CADM2: variants seen among roughly 807,000 people sequenced by gnomAD.
CADM2 encodes the protein immunoglobulin superfamily member 4D.
A neutral mutation model predicts 49.8 loss-of-function variants in CADM2; 12 were observed. The observed-to-expected ratio is 0.24, with a 90% confidence interval of 0.15 to 0.39. CADM2 has a LOEUF of 0.39. Ranked by LOEUF, CADM2 falls within the 10% of genes least tolerant of loss-of-function variation. The probability of loss-of-function intolerance (pLI) is 1.00; values close to 1 mark genes in which losing one functional copy is unlikely to be tolerated. For synonymous variants in CADM2, 214 were observed against 175.4 expected (o/e 1.22, Z -1.74); for missense variants, 378 against 492.3 (o/e 0.77, Z 2.20).
At chr3:85,410,492 G>A (rs2035605422) in intron 1 of CADM2, among the ~76,000 whole-genome samples, 1 of 152,020 alleles carries the variant, frequency 6.6e-6, no homozygotes, top group Admixed American at 6.6e-5. Flanking sequence ...AATTTGTATA[G>A]GCACTAAGAT....
intron 1 of CADM2, among the ~76,000 whole-genome samples, chr3:85,071,725 A>C: frequency 6.6e-6 from 1 of 152,116 alleles, no homozygotes; most frequent in East Asian, 1.9e-4. Flanking sequence ...TTGTAAAGGT[A>C]AATAAGAACT....
chr3:85,365,481 T>C, intron 1 of CADM2, among the ~76,000 whole-genome samples: 1 of 152,140 alleles, frequency 6.6e-6, no homozygotes, highest in East Asian at 1.9e-4. Context: ...TTTATTTCTG[T>C]TAGTAATAGC....
intron 1 of CADM2, among the ~76,000 whole-genome samples, chr3:85,494,229 T>C (rs149949356): frequency 6.6e-6 from 1 of 152,164 alleles, no homozygotes; most frequent in African/African-American, 2.4e-5. Flanking sequence ...AAAATTTAAC[T>C]TCTAGTTTCC....
At chr3:85,795,471 T>G (rs1200253455) in intron 2 of CADM2, among the ~76,000 whole-genome samples, 3 of 152,136 alleles carry the variant, frequency 2.0e-5, no homozygotes, top group Admixed American at 6.5e-5. Flanking sequence ...CTGCAGGGAT[T>G]TTAGGCTGCG....
chr3:85,772,919 CT>C (rs200003655), intron 2 of CADM2, among the ~76,000 whole-genome samples: 3 of 125,838 alleles, frequency 2.4e-5, no homozygotes, highest in South Asian at 2.5e-4. Flanking sequence ...CATTTTCATT[CT>C]TTTTTTTGAT....
chr3:85,305,849 C>CATAA (rs2044199688), intron 1 of CADM2, among the ~76,000 whole-genome samples: 2 of 151,558 alleles, frequency 1.3e-5, no homozygotes, highest in Non-Finnish European at 3.0e-5. Flanking sequence ...AGATCTAAAA[C>CATAA]ACATAAATAC....
At chr3:85,363,980 T>A (rs1253777191) in intron 1 of CADM2, among the ~76,000 whole-genome samples, 1 of 152,226 alleles carries the variant, frequency 6.6e-6, no homozygotes, top group Non-Finnish European at 1.5e-5. Flanking sequence ...TCTCTGGTTG[T>A]GTTCATTCTG....
intron 1 of CADM2, among the ~76,000 whole-genome samples, chr3:85,106,573 A>G (rs1575878541): frequency 6.6e-6 from 1 of 152,188 alleles, no homozygotes; most frequent in East Asian, 1.9e-4. Context: ...GGGAAAATAA[A>G]GATTAATAAG....
intron 7 of CADM2, among the ~76,000 whole-genome samples, chr3:85,952,265 T>A (rs187367981): frequency 3.5e-4 from 53 of 151,044 alleles, no homozygotes; most frequent in African/African-American, 1.3e-3. Context: ...CTTGCTCCAA[T>A]GACACTATTC....
At chr3:85,391,900 C>T (rs1481706759) in intron 1 of CADM2, among the ~76,000 whole-genome samples, 2 of 151,948 alleles carry the variant, frequency 1.3e-5, no homozygotes, top group Non-Finnish European at 2.9e-5. Flanking sequence ...TAGAATTCTA[C>T]AATGTTCAAA....
chr3:85,788,777 AT>A (rs1207441198), intron 2 of CADM2, among the ~76,000 whole-genome samples: 11 of 151,946 alleles, frequency 7.2e-5, no homozygotes, highest in Admixed American at 4.6e-4. Flanking sequence ...TCTTTATCGT[AT>A]TTGGCTAGTC....
chr3:85,558,928 TCAAA>T (rs2062024146), intron 1 of CADM2, among the ~76,000 whole-genome samples: 2 of 152,060 alleles, frequency 1.3e-5, no homozygotes, highest in African/African-American at 4.8e-5. Context: ...CGGATTTTCT[TCAAA>T]CAGACAGCAA....
intron 1 of CADM2, among the ~76,000 whole-genome samples, chr3:85,096,151 G>T (rs1575852848): frequency 6.6e-6 from 1 of 152,010 alleles, no homozygotes; most frequent in East Asian, 1.9e-4. Flanking sequence ...ATAAGTATTT[G>T]ATTTATAAGT....
chr3:85,475,174 A>C (rs1431150499), intron 1 of CADM2, among the ~76,000 whole-genome samples: 1 of 152,076 alleles, frequency 6.6e-6, no homozygotes, highest in Non-Finnish European at 1.5e-5. Context: ...GATTATTTTT[A>C]CTTGACTTTA....
At chr3:85,695,092 A>G (rs2066509653) in intron 1 of CADM2, among the ~76,000 whole-genome samples, 1 of 152,126 alleles carries the variant, frequency 6.6e-6, no homozygotes, top group Non-Finnish European at 1.5e-5. Flanking sequence ...CAGATACACC[A>G]TGATCCACTC....
intron 1 of CADM2, among the ~76,000 whole-genome samples, chr3:85,093,303 G>A (rs977101563): frequency 6.6e-6 from 1 of 151,982 alleles, no homozygotes; most frequent in African/African-American, 2.4e-5. Flanking sequence ...GGCAGATCAA[G>A]AGATCAAGAC....
intron 8 of CADM2, among the ~76,000 whole-genome samples, chr3:86,054,675 T>C (rs1737713015): frequency 6.6e-6 from 1 of 152,118 alleles, no homozygotes; most frequent in African/African-American, 2.4e-5. Context: ...TTGTTTCCTC[T>C]GAAAGCATGC....
chr3:85,479,750 G>A (rs2039132003), intron 1 of CADM2, among the ~76,000 whole-genome samples: 1 of 151,910 alleles, frequency 6.6e-6, no homozygotes, highest in African/African-American at 2.4e-5. Flanking sequence ...AAGTGGTGCT[G>A]TATTAGGCAG....
At position 84,975,057 on chromosome 3, in the gene CADM2, C is replaced by G. The variant is rs549015594; in HGVS notation, c.61+15389C>G. 4.6e-5 allele frequency among the ~76,000 whole-genome samples: 7 copies of G among 151,906 alleles called. No individual in the cohort carries two copies. In the South Asian group the frequency reaches 1.2e-3, roughly 27 times the overall value. On this transcript the variant is annotated intron_variant, in intron 1 of 9. Transcript: ENST00000383699. ...TAAACAAAAGAAAAGAGAAAGCTTTCTCTTGAAAGGAAATTTTGTTTGCCT... is the reference window on the plus strand; with the variant it reads ...TAAACAAAAGAAAAGAGAAAGCTTTGTCTTGAAAGGAAATTTTGTTTGCCT...
Sources: gnomAD v4.1 joint callset for allele counts (sites outside exome capture counted in the v4.1 genomes callset) on GRCh38, gnomAD v4.1.1 for gene constraint, MANE v1.5 for transcripts, NCBI Gene and HGNC (gene_info 2026-07-23, HGNC 2026-07-21) for gene names.